ORC2: variants seen among roughly 807,000 people sequenced by gnomAD.
ORC2 encodes the protein origin recognition complex subunit 2, also known as origin recognition complex protein 2 homolog.
Under a neutral mutation model 77.7 loss-of-function variants are expected in ORC2, and 37 were observed. The observed-to-expected ratio is 0.48, with a 90% CI of 0.37 to 0.63. The LOEUF (loss-of-function observed/expected upper bound fraction) is 0.63, where lower values mean the gene tolerates loss of function less well. Ranked by LOEUF, ORC2 falls within the 20% of genes least tolerant of loss-of-function variation. The pLI, the probability that ORC2 is intolerant of heterozygous loss-of-function variation, is 0.00. For missense variants in ORC2, 557 were observed against 661.9 expected, an observed-to-expected ratio of 0.84 and a Z score of 1.74; for synonymous variants, 201 against 229.5, an observed-to-expected ratio of 0.88 and a Z score of 1.12.
chr2:200,954,795 A>C (rs2041434950), intron 4 of ORC2, among the ~76,000 whole-genome samples: 1 of 152,172 alleles, frequency 6.6e-6, no homozygotes, highest in South Asian at 2.1e-4. Flanking sequence ...AAAATGTCTA[A>C]AAAGGCTAAT....
In ORC2 at chr2:200,931,438, C is replaced by A. The variant is rs201919212; in HGVS notation, c.818G>T (p.Arg273Leu). Residue 273 changes from arginine to leucine, a missense_variant, in exon 11 of 18, where the codon CGT becomes CTT. Coordinates refer to ENST00000234296, the MANE Select transcript of ORC2 (RefSeq NM_006190.5). Reference sequence around the variant, plus strand: ...AGGGGAAACCTTGCTCAATAAGTTACGCAAAGTTTGCTTTAAAAAAAAGGA... The same window carrying A: ...AGGGGAAACCTTGCTCAATAAGTTAAGCAAAGTTTGCTTTAAAAAAAAGGA... ...KRAKLDQQTL[R>L]NLLSKVSPSF... 46 of 1,548,514 alleles carry A rather than the reference C, an allele frequency of 3.0e-5. No individual in the cohort carries two copies. The African/African-American group carries it at 6.0e-4, about 20-fold the overall frequency.
chr2:200,911,401 GA>G lies in ORC2; in HGVS notation c.1648-15del, dbSNP rs2040549724. On this transcript the variant is annotated splice_polypyrimidine_tract_variant and intron_variant, in intron 17 of 17. Coordinates refer to ENST00000234296, the MANE Select transcript of ORC2 (RefSeq NM_006190.5). The stretch of plus-strand genomic sequence containing the variant: ...TCCATCAGTTCCCTGAAAGATTTAA[GA>G]ATACCTGTACGTTAGTCATTCATAA... 1 of 1,424,796 alleles carries G rather than the reference GA, an allele frequency of 7.0e-7. No homozygotes were observed. The highest frequency in any genetic ancestry group is 2.3e-5 in the East Asian group (1 of 43,968). The allele number at this position is 1,424,796 out of a possible 1,614,324, so 88.3% of individuals were successfully genotyped here.
At chr2:200,957,641 T>C (rs2125037439) in intron 3 of ORC2, 97 bp from the exon 4 acceptor site, 1 of 942,940 alleles carries the variant, frequency 1.1e-6, no homozygotes, top group East Asian at 3.1e-5. Context: ...TTGTCATTAC[T>C]TAAAAGCTGG....
chr2:200,931,759 T>C (rs2040945716), intron 10 of ORC2, among the ~76,000 whole-genome samples: 1 of 152,224 alleles, frequency 6.6e-6, no homozygotes, highest in Non-Finnish European at 1.5e-5. Context: ...TTAAAGGTTC[T>C]TTATAATTTA....
intron 4 of ORC2, among the ~76,000 whole-genome samples, chr2:200,955,030 G>A (rs373440953): frequency 6.6e-6 from 1 of 152,120 alleles, no homozygotes; most frequent in East Asian, 1.9e-4. Context: ...TTAGGGCCCT[G>A]GGGTATTTGT....
chr2:200,942,202 G>GA (rs1395118478), intron 6 of ORC2, among the ~76,000 whole-genome samples: 2 of 151,676 alleles, frequency 1.3e-5, no homozygotes, highest in Admixed American at 1.3e-4. Context: ...TCTAAAAAAT[G>GA]AAAAAAACAG....
At chr2:200,952,263 A>C (rs1403996546) in intron 4 of ORC2, among the ~76,000 whole-genome samples, 1 of 151,560 alleles carries the variant, frequency 6.6e-6, no homozygotes, top group Non-Finnish European at 1.5e-5. Context: ...TAATTTATTT[A>C]TTTATTTATT....
At chr2:200,955,867 C>G (rs541200372) in intron 4 of ORC2, among the ~76,000 whole-genome samples, 90 of 152,106 alleles carry the variant, frequency 5.9e-4, no homozygotes, top group Non-Finnish European at 1.1e-3. Flanking sequence ...TAATTCGAAC[C>G]TAAAAAAATG....
intron 5 of ORC2, among the ~76,000 whole-genome samples, chr2:200,944,032 C>T (rs1003082211): frequency 3.9e-5 from 6 of 151,966 alleles, no homozygotes; most frequent in African/African-American, 1.5e-4. Context: ...TGAAAAGAAG[C>T]AACAAAAGCA....
At chr2:200,935,635 G>T in intron 9 of ORC2, 64 bp downstream of exon 9, 1 of 1,121,564 alleles carries the variant, frequency 8.9e-7, no homozygotes, top group South Asian at 1.7e-5. Flanking sequence ...GATCTCTTAG[G>T]GTAGCCTATC....
intron 15 of ORC2, among the ~76,000 whole-genome samples, chr2:200,916,559 C>T (rs1386299133): frequency 6.6e-6 from 1 of 152,140 alleles, no homozygotes; most frequent in Non-Finnish European, 1.5e-5. Context: ...GGACCCTCAA[C>T]TTTACACACA....
chr2:200,938,325 C>T (rs935242434), intron 7 of ORC2, among the ~76,000 whole-genome samples: 3 of 152,146 alleles, frequency 2.0e-5, no homozygotes, highest in East Asian at 1.9e-4. Flanking sequence ...CCACAGCGCC[C>T]GGCCCAATGG....
intron 4 of ORC2, 97 bp from the exon 5 acceptor site, chr2:200,949,740 C>A: frequency 5.0e-6 from 3 of 602,350 alleles, no homozygotes; most frequent in Non-Finnish European, 5.9e-6. Flanking sequence ...CCCCTCATAG[C>A]CTTGCATAAA....
chr2:200,921,772 G>C (rs1274948965), intron 13 of ORC2: 1 of 152,114 alleles, frequency 6.6e-6, no homozygotes, highest in Non-Finnish European at 1.5e-5. Context: ...GAGTAGCTGG[G>C]ACTATAGGCG....
chr2:200,951,424 G>A (rs1483928935), intron 4 of ORC2, among the ~76,000 whole-genome samples: 1 of 152,186 alleles, frequency 6.6e-6, no homozygotes, highest in Non-Finnish European at 1.5e-5. Flanking sequence ...AGTATGTTGA[G>A]TTTCATAAGC....
chr2:200,916,107 G>A (rs1038181644), intron 15 of ORC2, among the ~76,000 whole-genome samples: 13 of 152,264 alleles, frequency 8.5e-5, no homozygotes, highest in African/African-American at 3.1e-4. Flanking sequence ...GGAGTTTGCA[G>A]AATCAAGCAA....
intron 7 of ORC2, 109 bp downstream of exon 7, chr2:200,941,139 A>G: frequency 1.3e-6 from 1 of 792,434 alleles, no homozygotes; most frequent in Admixed American, 2.3e-5. Context: ...TGTAAATTAC[A>G]AAGCACTATA....
chr2:200,925,657 T>C (rs2040827608), intron 13 of ORC2, among the ~76,000 whole-genome samples, 179 bp downstream of exon 13: 1 of 152,156 alleles, frequency 6.6e-6, no homozygotes, highest in Non-Finnish European at 1.5e-5. Flanking sequence ...GAGAATTGCT[T>C]GAGCCCAGAA....
intron 15 of ORC2, among the ~76,000 whole-genome samples, chr2:200,915,452 T>TA (rs1297932044): frequency 6.6e-6 from 1 of 152,198 alleles, no homozygotes; most frequent in African/African-American, 2.4e-5. Flanking sequence ...AAATAACTCT[T>TA]AATGGATGAC....
Sources: gnomAD v4.1 joint callset for allele counts (sites outside exome capture counted in the v4.1 genomes callset) on GRCh38, gnomAD v4.1.1 for gene constraint, MANE v1.5 for transcripts, NCBI Gene and HGNC (gene_info 2026-07-23, HGNC 2026-07-21) for gene names.